Variants in ZMYM2 observed in about 807,000 individuals in gnomAD.
ZMYM2 encodes zinc finger MYM-type protein 2.
A neutral mutation model predicts 162.8 loss-of-function variants in ZMYM2; 56 were observed. The ratio of observed to expected loss-of-function variants is 0.34; its 90% confidence interval spans 0.28 to 0.43. The LOEUF is 0.43. ZMYM2 is among the 20% of genes least tolerant of loss of function. The pLI is 1.00. For missense variants in ZMYM2, 1,275 were observed against 1,621.8 expected (o/e 0.79, Z 3.67); for synonymous variants, 510 against 541.6 (o/e 0.94, Z 0.81).
intron 17 of ZMYM2, among the ~76,000 whole-genome samples, chr13:20,061,746 G>A (rs891461118): frequency 2.0e-5 from 3 of 151,906 alleles, no homozygotes; most frequent in South Asian, 2.1e-4. Context: ...GTGCCACCAC[G>A]CCCAGCCAAT....
chr13:19,882,915 T>C, the ZMYM2 span, among the ~76,000 whole-genome samples: 1 of 152,128 alleles, frequency 6.6e-6, no homozygotes, highest in Non-Finnish European at 1.5e-5. Flanking sequence ...ATGCTCAAAA[T>C]AATTGAAAAC....
intron 7 of ZMYM2, chr13:20,025,260 C>T (rs766419714): frequency 5.9e-5 from 12 of 201,766 alleles, no homozygotes; most frequent in Non-Finnish European, 1.0e-4. Flanking sequence ...TTAATTGCAA[C>T]ATGAGGTGGA....
chr13:19,999,796 CAAAGTG>C (rs1950263568), intron 3 of ZMYM2, among the ~76,000 whole-genome samples: 1 of 152,076 alleles, frequency 6.6e-6, no homozygotes, highest in South Asian at 2.1e-4. Flanking sequence ...GGAATGATAA[CAAAGTG>C]AAATAGCCTT....
At chr13:20,018,329 T>C (rs963355197) in intron 6 of ZMYM2, among the ~76,000 whole-genome samples, 1 of 152,234 alleles carries the variant, frequency 6.6e-6, no homozygotes, top group Non-Finnish European at 1.5e-5. Context: ...CATAATTCAT[T>C]AGTTAAATAA....
At chr13:20,008,723 T>G (rs1950939694) in intron 6 of ZMYM2, among the ~76,000 whole-genome samples, 1 of 152,232 alleles carries the variant, frequency 6.6e-6, no homozygotes, top group Non-Finnish European at 1.5e-5. Flanking sequence ...TAAGTAAGAT[T>G]GGTCTGTAAT....
At chr13:20,026,855 A>C (rs1173522670) in intron 8 of ZMYM2, 93 bp downstream of exon 8, 3 of 1,312,662 alleles carry the variant, frequency 2.3e-6, no homozygotes, top group Non-Finnish European at 3.1e-6. Context: ...CTTGTTTTTA[A>C]CAGCTTTTTA....
chr13:20,019,108 A>AC (rs1428361961), intron 6 of ZMYM2, among the ~76,000 whole-genome samples: 27 of 936 alleles, frequency 0.029, no homozygotes, highest in East Asian at 0.17. Flanking sequence ...AACAACAACA[A>AC]AAAAAAACAA....
the ZMYM2 span, among the ~76,000 whole-genome samples, chr13:19,935,287 C>G: frequency 6.6e-6 from 1 of 151,806 alleles, no homozygotes; most frequent in African/African-American, 2.4e-5. Context: ...GTGCATGCCA[C>G]CACACCCAGA....
At chr13:19,891,054 G>T in the ZMYM2 span, among the ~76,000 whole-genome samples, 75 of 151,716 alleles carry the variant, frequency 4.9e-4, 2 homozygotes, top group African/African-American at 1.6e-3. Context: ...TTTATGGATT[G>T]TATCTCCCCC....
At chr13:19,875,115 T>G in the ZMYM2 span, among the ~76,000 whole-genome samples, 2 of 152,184 alleles carry the variant, frequency 1.3e-5, no homozygotes, top group Admixed American at 6.5e-5. Context: ...ACGTCTGCAC[T>G]AGTATGCTCA....
At chr13:19,872,648 G>A in the ZMYM2 span, among the ~76,000 whole-genome samples, 3 of 152,272 alleles carry the variant, frequency 2.0e-5, no homozygotes, top group South Asian at 6.2e-4. Flanking sequence ...GAATAATTAT[G>A]TCTACGCTTT....
chr13:19,964,167 A>G (rs892396767), intron 2 of ZMYM2, among the ~76,000 whole-genome samples: 4 of 151,992 alleles, frequency 2.6e-5, no homozygotes, highest in Non-Finnish European at 4.4e-5. Context: ...ACCTGAGGTC[A>G]AGAGTTCGAG....
At chr13:19,997,842 G>A (rs1276356458) in intron 3 of ZMYM2, among the ~76,000 whole-genome samples, 1 of 152,110 alleles carries the variant, frequency 6.6e-6, no homozygotes, top group Non-Finnish European at 1.5e-5. Flanking sequence ...CCTAGCAGTA[G>A]ATCTTGAAAT....
intron 12 of ZMYM2, among the ~76,000 whole-genome samples, chr13:20,045,449 TACAC>T (rs1166568426): frequency 2.0e-5 from 3 of 152,200 alleles, no homozygotes; most frequent in Non-Finnish European, 2.9e-5. Context: ...ATTTTAGAAA[TACAC>T]AGAGGACAAA....
upstream of ZMYM2, among the ~76,000 whole-genome samples, chr13:19,958,353 A>T (rs1566145754): frequency 6.6e-6 from 1 of 151,804 alleles, no homozygotes; most frequent in Non-Finnish European, 1.5e-5. Context: ...GCCCCGCCGG[A>T]GTCTCCCGGG....
At chr13:19,975,595 C>T (rs946077741) in intron 2 of ZMYM2, among the ~76,000 whole-genome samples, 3 of 152,138 alleles carry the variant, frequency 2.0e-5, no homozygotes, top group Admixed American at 6.5e-5. Flanking sequence ...GTTGTTTTCA[C>T]CTTTTGGCCG....
At chr13:19,918,242 C>T in the ZMYM2 span, among the ~76,000 whole-genome samples, 73 of 151,720 alleles carry the variant, frequency 4.8e-4, 1 homozygote, top group African/African-American at 1.6e-3. Context: ...GTCAGGAGTT[C>T]GAGACCAGCC....
chr13:20,060,641 G>A (rs1956159456), intron 16 of ZMYM2, among the ~76,000 whole-genome samples: 1 of 151,626 alleles, frequency 6.6e-6, no homozygotes, highest in South Asian at 2.1e-4. Context: ...TAGCGCCATT[G>A]CACTCCAGCC....
intron 2 of ZMYM2, among the ~76,000 whole-genome samples, chr13:19,973,738 T>C (rs940253480): frequency 9.6e-5 from 14 of 146,446 alleles, no homozygotes; most frequent in Admixed American, 9.5e-4. Context: ...CACAATACCA[T>C]AGGGCAAGCT....
Sources: gnomAD v4.1 joint callset for allele counts (sites outside exome capture counted in the v4.1 genomes callset) on GRCh38, gnomAD v4.1.1 for gene constraint, MANE v1.5 for transcripts, NCBI Gene and HGNC (gene_info 2026-07-23, HGNC 2026-07-21) for gene names.